IRAK3: variants seen among roughly 807,000 people sequenced by gnomAD.
IRAK3 encodes the protein interleukin-1 receptor-associated kinase 3.
IRAK3 carries 57 observed loss-of-function variants against 56.6 expected under a neutral mutation model. The ratio of observed to expected loss-of-function variants is 1.01; its 90% CI spans 0.81 to 1.26. IRAK3 has a LOEUF of 1.26. Among genes scored for constraint, IRAK3 ranks in the 50% most tolerant of loss-of-function variants. The pLI, the probability that IRAK3 is intolerant of heterozygous loss-of-function variation, is 0.00. For synonymous variants in IRAK3, 258 were observed against 255.7 expected (o/e 1.01, Z -0.09); for missense variants, 703 against 719.0 (o/e 0.98, Z 0.25).
rs2053132633 is a variant in IRAK3, at chr12:66,254,321, A to AGT, written c.*6151_*6152dup. On this transcript the variant is annotated 3_prime_UTR_variant, in exon 12 of 12. Coordinates refer to ENST00000261233, the MANE Select transcript of IRAK3 (RefSeq NM_007199.3). ...AAGATGGATTAAATAAATTCCATGC[A>AGT]GTTGTCATTTAAAAATATTTAGATA... The AGT allele has an allele frequency of 6.6e-6, 1 of 152,172 alleles. No individual in the cohort carries two copies. The highest frequency in any genetic ancestry group is 1.9e-4 in the East Asian group (1 of 5,206). The allele number at this position is 152,172 out of a possible 1,614,324, so 9.4% of individuals were successfully genotyped here. A position where few individuals can be genotyped will look rare whatever the true frequency, so the allele number is the denominator to read the frequency against.
chr12:66,232,405 A>AGCCT (rs1451540637), intron 8 of IRAK3, among the ~76,000 whole-genome samples: 1 of 152,160 alleles, frequency 6.6e-6, no homozygotes, highest in African/African-American at 2.4e-5. Context: ...CTTTCTGCTG[A>AGCCT]GCCTGCCAGC....
At chr12:66,231,471 A>G (rs1046615421) in intron 8 of IRAK3, among the ~76,000 whole-genome samples, 4 of 152,344 alleles carry the variant, frequency 2.6e-5, no homozygotes, top group Admixed American at 1.3e-4. Flanking sequence ...AGAGACAGTG[A>G]TGATAATAGT....
chr12:66,190,335 C>T (rs1394889100), intron 1 of IRAK3, among the ~76,000 whole-genome samples: 1 of 150,152 alleles, frequency 6.7e-6, no homozygotes, highest in Non-Finnish European at 1.5e-5. Flanking sequence ...TCTGGTTATA[C>T]AAAAAATGTT....
intron 4 of IRAK3, among the ~76,000 whole-genome samples, chr12:66,211,165 C>T (rs567652395): frequency 6.6e-6 from 1 of 152,166 alleles, no homozygotes; most frequent in African/African-American, 2.4e-5. Context: ...AAAATTGAAT[C>T]TTGGAAGAAT....
At chr12:66,217,875 A>T (rs1258932800) in intron 6 of IRAK3, among the ~76,000 whole-genome samples, 2 of 152,180 alleles carry the variant, frequency 1.3e-5, no homozygotes, top group Admixed American at 1.3e-4. Context: ...GAGAGAAGGC[A>T]TTATACTGAA....
chr12:66,203,984 C>CACAGAGCATGAG, intron 2 of IRAK3, 91 bp downstream of exon 2: 7 of 1,140,928 alleles, frequency 6.1e-6, no homozygotes, highest in South Asian at 1.3e-5. Context: ...AAGACATTGA[C>CACAGAGCATGAG]TCATGCTCTG....
Position 66,247,941 on chromosome 12 carries a change from A to G in IRAK3, c.1561A>G (p.Lys521Glu), listed in dbSNP as rs148276665. The G allele has an allele frequency of 5.9e-5, 95 of 1,613,704 alleles. No homozygotes were observed. The highest frequency in any genetic ancestry group is 8.1e-5 in the Non-Finnish European group (95 of 1,179,960). ...QSEVMFLSLD[K>E]KPESKRNEEA... ...TGAGGTTATGTTTCTGAGCTTGGAC[A>G]AAAAGCCAGAGAGCAAGAGAAATGA... Residue 521 changes from lysine to glutamate, a missense_variant, in exon 12 of 12, where the codon AAA (lysine) becomes GAA (glutamate). Transcript: ENST00000261233.
At chr12:66,229,866 A>G (rs1364806597) in intron 8 of IRAK3, among the ~76,000 whole-genome samples, 3 of 152,228 alleles carry the variant, frequency 2.0e-5, no homozygotes, top group Non-Finnish European at 4.4e-5. Context: ...ATGTTGCTAA[A>G]CATATTTGTC....
intron 2 of IRAK3, among the ~76,000 whole-genome samples, chr12:66,207,626 G>A (rs1423542579): frequency 6.6e-6 from 1 of 151,910 alleles, no homozygotes. Context: ...CTGATTTGAT[G>A]CCTTTCTTCT....
At chr12:66,216,797 A>G (rs1456552678) in intron 5 of IRAK3, among the ~76,000 whole-genome samples, 1 of 152,250 alleles carries the variant, frequency 6.6e-6, no homozygotes, top group Non-Finnish European at 1.5e-5. Flanking sequence ...GAAATTTTGT[A>G]GCAGAATAGA....
intron 2 of IRAK3, among the ~76,000 whole-genome samples, chr12:66,208,341 ACAAACAC>A (rs770544478): frequency 6.6e-6 from 1 of 151,808 alleles, no homozygotes; most frequent in South Asian, 2.1e-4. Context: ...ACACACACAC[ACAAACAC>A]ACACACACGC....
intron 2 of IRAK3, among the ~76,000 whole-genome samples, chr12:66,208,271 C>G (rs2052575979): frequency 6.6e-6 from 1 of 152,002 alleles, no homozygotes; most frequent in Non-Finnish European, 1.5e-5. Context: ...AGACAGCACT[C>G]TACCACATAG....
intron 8 of IRAK3, among the ~76,000 whole-genome samples, chr12:66,236,136 C>T (rs2052905080): frequency 6.6e-6 from 1 of 152,088 alleles, no homozygotes; most frequent in South Asian, 2.1e-4. Context: ...TATTCAGCAG[C>T]CTGGTGCCCA....
intron 6 of IRAK3, among the ~76,000 whole-genome samples, chr12:66,218,116 C>T (rs1415384611): frequency 6.6e-6 from 1 of 152,296 alleles, no homozygotes; most frequent in Admixed American, 6.5e-5. Flanking sequence ...ATCATCCAAC[C>T]ACCCAGCTGA....
intron 2 of IRAK3, among the ~76,000 whole-genome samples, chr12:66,208,357 G>A (rs958259856): frequency 2.7e-5 from 4 of 150,878 alleles, no homozygotes; most frequent in South Asian, 2.1e-4. Context: ...ACACACACAC[G>A]CACACACACC....
intron 6 of IRAK3, among the ~76,000 whole-genome samples, chr12:66,222,985 A>G (rs112764080): frequency 6.6e-6 from 1 of 150,754 alleles, no homozygotes. Flanking sequence ...GGATTTGAGT[A>G]GGTAAAGGAA....
chr12:66,202,632 A>C (rs569582663), intron 1 of IRAK3, among the ~76,000 whole-genome samples: 1 of 151,430 alleles, frequency 6.6e-6, no homozygotes, highest in African/African-American at 2.4e-5. Context: ...GAAAAAAAAA[A>C]CCCACACAAA....
intron 6 of IRAK3, among the ~76,000 whole-genome samples, chr12:66,223,315 T>C (rs777444041): frequency 1.3e-5 from 2 of 152,178 alleles, no homozygotes; most frequent in Non-Finnish European, 2.9e-5. Context: ...TTATCAATGT[T>C]TTCTTTTGCG....
In IRAK3 at chr12:66,254,113, T is replaced by C. The variant is rs1293593775; in HGVS notation, c.*5942T>C. On this transcript the variant is annotated 3_prime_UTR_variant, in exon 12 of 12. Transcript: ENST00000261233. ...GGAGTGAAAATTGGTAGAACCTTTC[T>C]AGAAGGCAATTTGGCAACATGTATG... 6.6e-6 allele frequency: 1 copy of C among 152,192 alleles called. No homozygotes were observed. The highest frequency in any genetic ancestry group is 1.5e-5 in the Non-Finnish European group (1 of 68,024). The allele number at this position is 152,192 out of a possible 1,614,324, so 9.4% of individuals were successfully genotyped here.
Sources: allele counts gnomAD v4.1 joint callset (sites outside exome capture counted in the v4.1 genomes callset), GRCh38; gene constraint gnomAD v4.1.1; transcripts MANE v1.5; gene names NCBI Gene and HGNC (gene_info 2026-07-23, HGNC 2026-07-21).